SIK3: variants seen among roughly 807,000 people sequenced by gnomAD.
SIK3 encodes SIK family kinase 3, also known as serine/threonine-protein kinase SIK3.
In SIK3, 28 loss-of-function variants were observed where a neutral mutation model predicts 144.2. The ratio of observed to expected loss-of-function variants is 0.19; its 90% CI spans 0.14 to 0.27. The LOEUF (loss-of-function observed/expected upper bound fraction) is 0.27, where lower values mean the gene tolerates loss of function less well. Among genes scored for constraint, SIK3 ranks in the 10% least tolerant of loss-of-function variants. The pLI is 1.00. For synonymous variants in SIK3, 686 were observed against 676.3 expected (o/e 1.01, Z -0.22); for missense variants, 1,319 against 1,776.0 (o/e 0.74, Z 4.62).
In SIK3 at chr11:116,845,601, C is replaced by T. The variant is rs565845402; in HGVS notation, c.*42G>A. On this transcript the variant is annotated 3_prime_UTR_variant, in exon 25 of 25. Coordinates refer to ENST00000445177, the MANE Select transcript of SIK3 (RefSeq NM_001366686.3). ...CTAGATACTGTGGGTTTACAATCAA[C>T]CTTTTCATTCCCAAGCTGTACACAA... The T allele has an allele frequency of 6.6e-6, 1 of 152,354 alleles. No homozygotes were observed. Among genetic ancestry groups the T allele is most frequent in the Admixed American group, 6.5e-5 (1 of 15,298 alleles). The allele number at this position is 152,354 out of a possible 1,614,324, so 9.4% of individuals were successfully genotyped here.
intron 1 of SIK3, among the ~76,000 whole-genome samples, chr11:116,968,283 CA>C (rs1256664604): frequency 1.3e-5 from 2 of 152,162 alleles, no homozygotes; most frequent in Non-Finnish European, 2.9e-5. Context: ...GCTGGGACTA[CA>C]GGCGCGCACC....
intron 1 of SIK3, among the ~76,000 whole-genome samples, chr11:117,073,507 T>C (rs75682124): frequency 0.045 from 6,865 of 152,308 alleles, 517 homozygotes; most frequent in African/African-American, 0.16. Context: ...TTGGACAAGT[T>C]ACCTAAGTGA....
At chr11:116,939,507 A>G (rs1429653165) in intron 3 of SIK3, among the ~76,000 whole-genome samples, 1 of 152,232 alleles carries the variant, frequency 6.6e-6, no homozygotes, top group Non-Finnish European at 1.5e-5. Context: ...ACATTACGTA[A>G]AAGACTGATG....
Position 117,087,182 on chromosome 11 carries a change from G to T in SIK3, c.273+10961C>A, listed in dbSNP as rs146852552. ...TGGCCGGGTGCGGTGGCTCATGCCT[G>T]TAATACCACCACTCTGAGAGGCTGG... On this transcript the variant is annotated intron_variant, in intron 1 of 24. Coordinates refer to ENST00000445177, the MANE Select transcript of SIK3 (RefSeq NM_001366686.3). Among the ~76,000 whole-genome samples the T allele has an allele frequency of 4.1e-3, 631 of 152,128 alleles. 7 individuals carry two copies. Among genetic ancestry groups the T allele is most frequent in the Middle Eastern group, 6.8e-3 (2 of 294 alleles).
chr11:117,070,822 A>G (rs1205320486), intron 1 of SIK3, among the ~76,000 whole-genome samples: 1 of 138,390 alleles, frequency 7.2e-6, no homozygotes, highest in Non-Finnish European at 1.5e-5. Flanking sequence ...GTGCGATCTC[A>G]GCTCACCACA....
At position 116,941,976 on chromosome 11, in the gene SIK3, T is replaced by G. The variant is rs201518844; in HGVS notation, c.454+12068A>C. ...TGCTCCTTCATAATATAAGGCTGAATAGTATGCAAAAATAAACTGGATAAG... is the reference window on the plus strand; with the variant it reads ...TGCTCCTTCATAATATAAGGCTGAAGAGTATGCAAAAATAAACTGGATAAG... On this transcript the variant is annotated intron_variant, in intron 3 of 24. Transcript: ENST00000445177. Among the ~76,000 whole-genome samples the G allele has an allele frequency of 4.6e-5, 7 of 152,224 alleles. No individual in the cohort carries two copies. The East Asian group carries it at 1.2e-3, about 25-fold the overall frequency.
intron 1 of SIK3, among the ~76,000 whole-genome samples, chr11:116,965,240 C>T (rs555227745): frequency 9.2e-5 from 14 of 152,252 alleles, no homozygotes; most frequent in East Asian, 5.8e-4. Context: ...CAGAAGCCTA[C>T]GAGTGTCTCC....
In SIK3 at chr11:116,891,574, ATGG is replaced by A. The variant is rs1945112589; in HGVS notation, c.865+4676_865+4678del. On this transcript the variant is annotated intron_variant, in intron 6 of 24. Transcript: ENST00000445177. ...TTGTAAGCCAATGCTTTGCCACCTT[ATGG>A]AGTAAACTTTACCTTAGAGGCAATG... 3.3e-5 allele frequency among the ~76,000 whole-genome samples: 5 copies of A among 152,326 alleles called. No individual in the cohort carries two copies. In the South Asian group the frequency reaches 1.0e-3, roughly 32 times the overall value.
At chr11:117,002,642 G>GAA (rs1950896057) in intron 1 of SIK3, among the ~76,000 whole-genome samples, 1 of 151,936 alleles carries the variant, frequency 6.6e-6, no homozygotes, top group South Asian at 2.1e-4. Context: ...TCTGGAAAAA[G>GAA]AAAAAAACAT....
intron 16 of SIK3, 92 bp downstream of exon 16, chr11:116,863,576 T>C (rs1480527979): frequency 1.3e-6 from 2 of 1,560,508 alleles, no homozygotes; most frequent in Non-Finnish European, 1.8e-6. Context: ...GTTGCTGACA[T>C]AAAAGGGGTA....
intron 1 of SIK3, among the ~76,000 whole-genome samples, chr11:116,985,682 T>A (rs1950303419): frequency 6.6e-6 from 1 of 152,192 alleles, no homozygotes; most frequent in Admixed American, 6.5e-5. Context: ...CTAAGAAAAC[T>A]GGGTTTTTCT....
intron 1 of SIK3, among the ~76,000 whole-genome samples, chr11:117,096,214 A>G (rs1315858920): frequency 1.3e-5 from 2 of 152,184 alleles, no homozygotes; most frequent in Non-Finnish European, 2.9e-5. Context: ...AAAACATTCA[A>G]CCCTGTCTGT....
rs965099626 is a variant in SIK3 at position 116,867,929 on chromosome 11, C to T, written c.1952+17G>A. 1.3e-6 allele frequency: 2 copies of T among 1,523,064 alleles called. No individual in the cohort carries two copies. Among genetic ancestry groups the T allele is most frequent in the Non-Finnish European group, 1.8e-6 (2 of 1,132,484 alleles). The allele number at this position is 1,523,064 out of a possible 1,614,324, so 94.3% of individuals were successfully genotyped here. A position where few individuals can be genotyped will look rare whatever the true frequency, so the allele number is the denominator to read the frequency against. On this transcript the variant is annotated intron_variant, in intron 15 of 24. Coordinates refer to ENST00000445177, the MANE Select transcript of SIK3 (RefSeq NM_001366686.3). This position sits in a 1 kb window ranked among gnomAD's most constrained non-coding sequence, Gnocchi z 4.1. The stretch of plus-strand genomic sequence containing the variant: ...GATGAGCCTCAAGGAGCTCGCACAG[C>T]TCATGTGGCTACTCACCGATGCTGA...
At chr11:117,092,936 A>C (rs899912258) in intron 1 of SIK3, among the ~76,000 whole-genome samples, 1 of 152,214 alleles carries the variant, frequency 6.6e-6, no homozygotes, top group African/African-American at 2.4e-5. Flanking sequence ...ACCAAAGTCA[A>C]AATGTTAAAA....
intron 1 of SIK3, among the ~76,000 whole-genome samples, chr11:117,043,543 A>T (rs1952832854): frequency 6.6e-6 from 1 of 152,208 alleles, no homozygotes; most frequent in African/African-American, 2.4e-5. Flanking sequence ...TGACATATTC[A>T]TAGGAGTTTC....
intron 3 of SIK3, among the ~76,000 whole-genome samples, chr11:116,929,542 A>G (rs1193347082): frequency 6.6e-6 from 1 of 152,216 alleles, no homozygotes; most frequent in Non-Finnish European, 1.5e-5. Flanking sequence ...AAAGTTCTCA[A>G]AACTGTTATA....
chr11:116,982,971 T>TAAAAA (rs1412667545), intron 1 of SIK3, among the ~76,000 whole-genome samples: 1 of 105,554 alleles, frequency 9.5e-6, no homozygotes, highest in Admixed American at 1.0e-4. Context: ...AAAAAAAAAT[T>TAAAAA]TCTGACCCGA....
intron 22 of SIK3, among the ~76,000 whole-genome samples, chr11:116,848,278 C>G (rs1196777801): frequency 6.6e-6 from 1 of 152,044 alleles, no homozygotes; most frequent in Non-Finnish European, 1.5e-5. Context: ...ACCCGGGAGG[C>G]GGAGCTTGCA....
intron 4 of SIK3, among the ~76,000 whole-genome samples, chr11:116,921,927 C>CT (rs560541355): frequency 0.047 from 6,859 of 146,030 alleles, 234 homozygotes; most frequent in South Asian, 0.1. Flanking sequence ...ATGGTTCAAT[C>CT]TTTTTTTTTT....
Sources: gnomAD v4.1 joint callset for allele counts (sites outside exome capture counted in the v4.1 genomes callset) on GRCh38, gnomAD v4.1.1 for gene constraint, Gnocchi (gnomAD v3.1) non-coding constraint, MANE v1.5 for transcripts, NCBI Gene and HGNC (gene_info 2026-07-23, HGNC 2026-07-21) for gene names.